Variants in POLN observed in about 807,000 individuals in gnomAD.
The protein encoded by POLN is DNA polymerase nu.
Under a neutral mutation model 113.5 loss-of-function variants are expected in POLN, and 108 were observed. The observed-to-expected ratio is 0.95, with a 90% CI of 0.81 to 1.12. The LOEUF (loss-of-function observed/expected upper bound fraction) is 1.12, where lower values mean the gene tolerates loss of function less well. Among genes scored for constraint, POLN ranks in the 50% most tolerant of loss-of-function variants. POLN has a pLI of 0.00. For missense variants in POLN, 1,097 were observed against 1,077.1 expected, an observed-to-expected ratio of 1.02 and a Z score of -0.26; for synonymous variants, 386 against 391.5, an observed-to-expected ratio of 0.99 and a Z score of 0.17.
chr4:2,182,444 G>A (rs1389930323), intron 7 of POLN, among the ~76,000 whole-genome samples: 2 of 152,166 alleles, frequency 1.3e-5, no homozygotes, highest in Non-Finnish European at 2.9e-5. Flanking sequence ...AAGTCAAGGA[G>A]TGAAAAGGAC....
At chr4:2,237,638 A>G (rs1287989662) in intron 2 of POLN, among the ~76,000 whole-genome samples, 1 of 152,180 alleles carries the variant, frequency 6.6e-6, no homozygotes, top group African/African-American at 2.4e-5. Context: ...AATCTCTGAG[A>G]CTTATTTCCA....
At chr4:2,182,302 T>C (rs1733162840) in intron 7 of POLN, among the ~76,000 whole-genome samples, 1 of 152,230 alleles carries the variant, frequency 6.6e-6, no homozygotes, top group Admixed American at 6.5e-5. Context: ...TGAGATCATC[T>C]TAAGTTAGGG....
intron 7 of POLN, among the ~76,000 whole-genome samples, chr4:2,183,812 T>A (rs896388867): frequency 6.6e-6 from 1 of 152,176 alleles, no homozygotes; most frequent in African/African-American, 2.4e-5. Context: ...AATTTTATGG[T>A]ATGAAATTAT....
intron 2 of POLN, chr4:2,240,015 C>G (rs1022157955): frequency 1.9e-6 from 3 of 1,572,412 alleles, no homozygotes; most frequent in Non-Finnish European, 2.6e-6. Flanking sequence ...CAATGTGAAT[C>G]CAATCTCATT....
Position 2,170,676 on chromosome 4 carries a change from T to C in POLN, c.1554+3A>G, listed in dbSNP as rs767782232. ...AAGAAAAAGGATAACTCTGAAACCT[T>C]ACCACTGCTTCTGATGTAGACGGGT... On this transcript the variant is annotated splice_donor_region_variant and intron_variant, in intron 13 of 25. Transcript: ENST00000511885. 5.6e-6 allele frequency: 9 copies of C among 1,610,214 alleles called. No homozygotes were observed. In the South Asian group the frequency reaches 7.7e-5, roughly 14 times the overall value.
intron 7 of POLN, among the ~76,000 whole-genome samples, chr4:2,188,608 A>G (rs951162343): frequency 2.2e-5 from 3 of 135,552 alleles, no homozygotes; most frequent in African/African-American, 1.0e-4. Flanking sequence ...CTCAAAAAAA[A>G]CAAAAAACAA....
intron 16 of POLN, among the ~76,000 whole-genome samples, chr4:2,143,642 C>CAT (rs1289643874): frequency 2.0e-5 from 3 of 152,118 alleles, no homozygotes; most frequent in African/African-American, 7.2e-5. Context: ...ACCAATTCCA[C>CAT]GATATCTCCC....
rs577622208 is a variant in POLN, at chr4:2,135,464, A to G, written c.1732-4174T>C. On this transcript the variant is annotated intron_variant, in intron 16 of 25. Coordinates refer to ENST00000511885, the MANE Select transcript of POLN (RefSeq NM_181808.4). ...TGTGCACGGGTTCACATTTCCAAAC[A>G]CATGAAACACTGCTGCGCTTCTCTA... 5.9e-5 allele frequency among the ~76,000 whole-genome samples: 9 copies of G among 152,350 alleles called. No homozygotes were observed. The East Asian group carries it at 1.5e-3, about 26-fold the overall frequency.
chr4:2,111,624 T>C (rs1166096442), intron 19 of POLN, among the ~76,000 whole-genome samples: 1 of 152,076 alleles, frequency 6.6e-6, no homozygotes, highest in Non-Finnish European at 1.5e-5. Context: ...AAATCATGAG[T>C]GAACTCCCAT....
At chr4:2,140,729 C>G (rs1731979246) in intron 16 of POLN, 1 of 151,842 alleles carries the variant, frequency 6.6e-6, no homozygotes. Flanking sequence ...GCCTGGATGA[C>G]AGAGTGAGAT....
intron 22 of POLN, 42 bp from the exon 23 acceptor site, chr4:2,081,078 G>A (rs769648089): frequency 1.5e-5 from 24 of 1,612,478 alleles, no homozygotes; most frequent in East Asian, 4.5e-5. Context: ...CATGGCACAC[G>A]GTTCATGGTG....
At chr4:2,171,002 G>C in intron 12 of POLN, 96 bp downstream of exon 12, 2 of 1,157,838 alleles carry the variant, frequency 1.7e-6, no homozygotes, top group East Asian at 2.4e-5. Flanking sequence ...TTTTCAGATA[G>C]TTGACATAAA....
chr4:2,078,803 A>G, intron 23 of POLN: 1 of 985,504 alleles, frequency 1.0e-6, no homozygotes, highest in Non-Finnish European at 1.2e-6. Context: ...ATGACCAGCG[A>G]GTAACTGCGT....
chr4:2,189,425 G>T (rs769531785), intron 7 of POLN, among the ~76,000 whole-genome samples: 1 of 151,684 alleles, frequency 6.6e-6, no homozygotes, highest in Non-Finnish European at 1.5e-5. Flanking sequence ...GGATCACGAG[G>T]TCAGGAGAAC....
chr4:2,083,742 C>G (rs1730485256), intron 21 of POLN, among the ~76,000 whole-genome samples: 1 of 152,252 alleles, frequency 6.6e-6, no homozygotes, highest in Non-Finnish European at 1.5e-5. Context: ...CACAGGAACA[C>G]CAGCAGGAAA....
intron 19 of POLN, among the ~76,000 whole-genome samples, chr4:2,110,004 G>C (rs1219272349): frequency 6.6e-6 from 1 of 152,008 alleles, no homozygotes; most frequent in African/African-American, 2.4e-5. Context: ...TTACTCCTCA[G>C]CAAATGTAAA....
chr4:2,142,738 G>T (rs1732033492), intron 16 of POLN, among the ~76,000 whole-genome samples: 1 of 152,002 alleles, frequency 6.6e-6, no homozygotes, highest in South Asian at 2.1e-4. Context: ...CCAGGAAAAG[G>T]ACAGCCTAGC....
At chr4:2,083,523 G>C (rs1401670544) in intron 21 of POLN, among the ~76,000 whole-genome samples, 1 of 152,234 alleles carries the variant, frequency 6.6e-6, no homozygotes. Context: ...TGTGGCCTAA[G>C]GCAGAAGTCT....
At chr4:2,147,621 T>C (rs1433676117) in intron 16 of POLN, among the ~76,000 whole-genome samples, 1 of 145,892 alleles carries the variant, frequency 6.9e-6, no homozygotes, top group Non-Finnish European at 1.5e-5. Flanking sequence ...CAAGAGTAGA[T>C]CAGACATCCA....
Sources: allele counts gnomAD v4.1 joint callset (sites outside exome capture counted in the v4.1 genomes callset), GRCh38; gene constraint gnomAD v4.1.1; transcripts MANE v1.5; gene names NCBI Gene and HGNC (gene_info 2026-07-23, HGNC 2026-07-21).